The following LINGO2 variants were observed in gnomAD, a reference collection of about 807,000 sequenced individuals.
LINGO2 encodes the protein leucine-rich repeat and immunoglobulin-like domain-containing nogo receptor-interacting protein 2.
LINGO2 carries 14 observed loss-of-function variants against 30.6 expected under a neutral mutation model. That is an observed-to-expected ratio of 0.46 (90% CI 0.30 to 0.72). The LOEUF is 0.72. Ranked by LOEUF, LINGO2 falls within the 30% of genes least tolerant of loss-of-function variation. The pLI is 0.07. For missense variants in LINGO2, 729 were observed against 751.7 expected (o/e 0.97, Z 0.35); for synonymous variants, 317 against 288.5 (o/e 1.10, Z -1.00).
intron 4 of LINGO2, among the ~76,000 whole-genome samples, chr9:28,250,466 G>A (rs1048896133): frequency 6.6e-6 from 1 of 152,126 alleles, no homozygotes. Flanking sequence ...GACATCAACA[G>A]GTGCAGACAA....
At chr9:28,377,473 CCAGACAGCAGTAGGCTATT>C (rs1464010976) in intron 2 of LINGO2, among the ~76,000 whole-genome samples, 3 of 152,122 alleles carry the variant, frequency 2.0e-5, no homozygotes, top group Non-Finnish European at 4.4e-5. Flanking sequence ...AGTAAGCCTT[CCAGACAGCAGTAGGCTATT>C]CGTAGTTAAG....
At chr9:29,086,740 T>A in the LINGO2 span, among the ~76,000 whole-genome samples, 6 of 152,288 alleles carry the variant, frequency 3.9e-5, no homozygotes, top group African/African-American at 1.4e-4. Context: ...ATAAGATATA[T>A]GAGTTCATCA....
intron 1 of LINGO2, among the ~76,000 whole-genome samples, chr9:28,583,483 C>T (rs950141254): frequency 1.7e-4 from 26 of 151,912 alleles, no homozygotes; most frequent in African/African-American, 4.8e-4. Flanking sequence ...ATATTGTTTT[C>T]ATGAAAAGGC....
chr9:28,931,104 CGT>C, the LINGO2 span, among the ~76,000 whole-genome samples: 1 of 152,036 alleles, frequency 6.6e-6, no homozygotes, highest in Admixed American at 6.6e-5. Context: ...TTAAACTTGC[CGT>C]GGCAAATAAA....
chr9:27,957,676 T>C (rs955642538), intron 5 of LINGO2, among the ~76,000 whole-genome samples: 11 of 140,524 alleles, frequency 7.8e-5, no homozygotes, highest in African/African-American at 3.2e-4. Context: ...CAAAAATCCT[T>C]TGGGCTTTTC....
At chr9:28,688,004 A>C in the LINGO2 span, among the ~76,000 whole-genome samples, 4 of 152,170 alleles carry the variant, frequency 2.6e-5, no homozygotes, top group Non-Finnish European at 4.4e-5. Flanking sequence ...AAACAGTTTG[A>C]AACCTTCCAA....
chr9:28,488,860 C>T (rs1826274696), intron 1 of LINGO2, among the ~76,000 whole-genome samples: 1 of 152,098 alleles, frequency 6.6e-6, no homozygotes, highest in Non-Finnish European at 1.5e-5. Flanking sequence ...ATATTATTTG[C>T]TGTCATCAAA....
intron 4 of LINGO2, among the ~76,000 whole-genome samples, chr9:28,166,646 T>G (rs1411312098): frequency 6.6e-6 from 1 of 152,138 alleles, no homozygotes; most frequent in Non-Finnish European, 1.5e-5. Flanking sequence ...CTTGACATTG[T>G]AGAACTTGTA....
At chr9:28,617,574 C>T (rs1430254275) in intron 1 of LINGO2, among the ~76,000 whole-genome samples, 1 of 152,058 alleles carries the variant, frequency 6.6e-6, no homozygotes, top group Non-Finnish European at 1.5e-5. Flanking sequence ...GGATTACAGG[C>T]GTGAGCCACC....
At chr9:28,189,705 A>AAGGG (rs1819743059) in intron 4 of LINGO2, among the ~76,000 whole-genome samples, 2 of 129,470 alleles carry the variant, frequency 1.5e-5, no homozygotes, top group East Asian at 2.2e-4. Flanking sequence ...GGGAGGGAGG[A>AAGGG]AGGAAGGAAG....
At chr9:28,968,898 T>C in the LINGO2 span, among the ~76,000 whole-genome samples, 2,676 of 152,246 alleles carry the variant, frequency 0.018, 94 homozygotes, top group African/African-American at 0.061. Flanking sequence ...TATATGCCTA[T>C]GGGTAATAAT....
At chr9:29,142,573 T>C in the LINGO2 span, among the ~76,000 whole-genome samples, 4 of 151,576 alleles carry the variant, frequency 2.6e-5, no homozygotes, top group South Asian at 4.1e-4. Flanking sequence ...ATAAATGCAA[T>C]AAAGAATCTA....
chr9:28,754,025 C>T, the LINGO2 span, among the ~76,000 whole-genome samples: 9 of 150,750 alleles, frequency 6.0e-5, no homozygotes, highest in Non-Finnish European at 1.2e-4. Flanking sequence ...CAAACACACA[C>T]ACACACACAC....
chr9:28,102,252 G>A (rs937038169), intron 4 of LINGO2, among the ~76,000 whole-genome samples: 5 of 151,738 alleles, frequency 3.3e-5, no homozygotes, highest in Admixed American at 2.0e-4. Flanking sequence ...CAGTATATAC[G>A]CTTGAATGAG....
chr9:28,638,705 A>T (rs62548214), intron 1 of LINGO2, among the ~76,000 whole-genome samples: 13,710 of 148,114 alleles, frequency 0.093, 876 homozygotes, highest in Admixed American at 0.23. Context: ...TTGATCCTTC[A>T]CTCTTTTCTT....
At chr9:28,315,405 GAAAA>G (rs11285660) in intron 3 of LINGO2, among the ~76,000 whole-genome samples, 1 of 141,446 alleles carries the variant, frequency 7.1e-6, no homozygotes. Context: ...CCGTCTCGGG[GAAAA>G]AAAAAAAAAA....
chr9:29,026,556 A>C, the LINGO2 span, among the ~76,000 whole-genome samples: 6 of 152,084 alleles, frequency 3.9e-5, no homozygotes, highest in Non-Finnish European at 7.4e-5. Context: ...TGTAGAAAAA[A>C]CAGTATAGAT....
chr9:29,163,775 C>T, the LINGO2 span, among the ~76,000 whole-genome samples: 2 of 152,126 alleles, frequency 1.3e-5, no homozygotes, highest in African/African-American at 4.8e-5. Context: ...CTCCAGAAGA[C>T]TTTGTTTGGA....
chr9:28,660,308 ATAAT>A (rs1194745919), intron 1 of LINGO2, among the ~76,000 whole-genome samples: 4 of 152,144 alleles, frequency 2.6e-5, no homozygotes, highest in African/African-American at 9.6e-5. Flanking sequence ...ATGAATGAGA[ATAAT>A]TAATTCAAAA....
Sources: gnomAD v4.1 joint callset for allele counts (sites outside exome capture counted in the v4.1 genomes callset) on GRCh38, gnomAD v4.1.1 for gene constraint, MANE v1.5 for transcripts, NCBI Gene and HGNC (gene_info 2026-07-23, HGNC 2026-07-21) for gene names.